MAF: variants seen among roughly 807,000 people sequenced by gnomAD.
MAF encodes the protein transcription factor Maf.
In MAF, 10 loss-of-function variants were observed where a neutral mutation model predicts 22.0. The ratio of observed to expected loss-of-function variants is 0.45; its 90% CI spans 0.28 to 0.77. MAF has a LOEUF of 0.77. Ranked by LOEUF, MAF falls within the 30% of genes least tolerant of loss-of-function variation. MAF has a pLI of 0.12. For synonymous variants in MAF, 337 were observed against 255.8 expected, an observed-to-expected ratio of 1.32 and a Z score of -3.03; for missense variants, 544 against 548.4, an observed-to-expected ratio of 0.99 and a Z score of 0.08.
chr16:79,348,622 A>G, the MAF span, among the ~76,000 whole-genome samples: 2 of 152,224 alleles, frequency 1.3e-5, no homozygotes, highest in African/African-American at 2.4e-5. Flanking sequence ...CCGTATCATC[A>G]TATCAGGCCA....
At chr16:79,413,213 T>G in the MAF span, among the ~76,000 whole-genome samples, 3,136 of 13,664 alleles carry the variant, frequency 0.23, 7 homozygotes, top group Non-Finnish European at 0.28. Flanking sequence ...CTGTGCAGTT[T>G]TTTTTTTTTT....
At chr16:79,480,901 A>G in the MAF span, among the ~76,000 whole-genome samples, 2 of 152,188 alleles carry the variant, frequency 1.3e-5, no homozygotes, top group African/African-American at 2.4e-5. Context: ...CAAGCCAGAG[A>G]TGTGGATGAG....
chr16:79,403,565 ACT>A, the MAF span, among the ~76,000 whole-genome samples: 1 of 151,468 alleles, frequency 6.6e-6, no homozygotes, highest in African/African-American at 2.4e-5. Flanking sequence ...CCTTAATGCC[ACT>A]CTTTAGGTTT....
At chr16:79,359,449 T>C in the MAF span, among the ~76,000 whole-genome samples, 2 of 152,220 alleles carry the variant, frequency 1.3e-5, no homozygotes, top group African/African-American at 4.8e-5. Flanking sequence ...GATAGTCTAA[T>C]GCACTGTCCT....
chr16:79,521,773 G>T, the MAF span, among the ~76,000 whole-genome samples: 3 of 152,146 alleles, frequency 2.0e-5, no homozygotes, highest in Non-Finnish European at 4.4e-5. Context: ...ATTTCAAACA[G>T]TTACTGAATA....
the MAF span, among the ~76,000 whole-genome samples, chr16:79,262,356 C>A: frequency 2.0e-4 from 31 of 152,286 alleles, no homozygotes; most frequent in Non-Finnish European, 3.7e-4. Flanking sequence ...GACCTCTGGG[C>A]TCTGTGCCTA....
chr16:79,378,595 A>G, the MAF span, among the ~76,000 whole-genome samples: 1 of 152,236 alleles, frequency 6.6e-6, no homozygotes, highest in East Asian at 1.9e-4. Flanking sequence ...GATAATGCTG[A>G]GTAGAATGAG....
At chr16:79,453,508 G>A in the MAF span, among the ~76,000 whole-genome samples, 24 of 152,176 alleles carry the variant, frequency 1.6e-4, no homozygotes, top group African/African-American at 5.8e-4. Context: ...TCTTCATTAA[G>A]TATTCATACA....
the MAF span, among the ~76,000 whole-genome samples, chr16:79,464,950 G>A: frequency 1.3e-5 from 2 of 152,192 alleles, no homozygotes; most frequent in Non-Finnish European, 2.9e-5. Context: ...TCAAAAGAAT[G>A]TGACAGTATC....
At chr16:79,508,735 C>T in the MAF span, among the ~76,000 whole-genome samples, 1 of 152,176 alleles carries the variant, frequency 6.6e-6, no homozygotes, top group Non-Finnish European at 1.5e-5. Flanking sequence ...ACCTCAAAAA[C>T]ATTATGGTAA....
At chr16:79,205,574 C>T in the MAF span, 115 of 152,290 alleles carry the variant, frequency 7.6e-4, 1 homozygote, top group African/African-American at 2.7e-3. Flanking sequence ...TATTTGCTTT[C>T]CTGATCATCT....
the MAF span, chr16:79,204,322 T>C: frequency 6.6e-6 from 1 of 152,118 alleles, no homozygotes; most frequent in African/African-American, 2.4e-5. Context: ...TAGAACGCTT[T>C]GGGCAGGCAC....
chr16:79,235,987 A>G, the MAF span, among the ~76,000 whole-genome samples: 1 of 152,018 alleles, frequency 6.6e-6, no homozygotes, highest in South Asian at 2.1e-4. Context: ...CCACCGTACC[A>G]GCAATCCTAT....
At chr16:79,229,393 G>C in the MAF span, 1 of 151,962 alleles carries the variant, frequency 6.6e-6, no homozygotes, top group East Asian at 1.9e-4. Flanking sequence ...GTCTTTTAAA[G>C]AGCTTTCCCT....
chr16:79,363,981 T>C, the MAF span, among the ~76,000 whole-genome samples: 2 of 152,304 alleles, frequency 1.3e-5, no homozygotes, highest in Admixed American at 6.5e-5. Context: ...CAGTTCCCTC[T>C]GACCAGTGAC....
the MAF span, among the ~76,000 whole-genome samples, chr16:79,550,506 C>A: frequency 6.6e-6 from 1 of 152,178 alleles, no homozygotes; most frequent in African/African-American, 2.4e-5. Flanking sequence ...AAACAGCTCA[C>A]CATGTGACCC....
the MAF span, among the ~76,000 whole-genome samples, chr16:79,276,267 G>A: frequency 1.3e-5 from 2 of 152,182 alleles, no homozygotes; most frequent in Non-Finnish European, 2.9e-5. Context: ...TTTTTATGTA[G>A]CAGGCCCCTG....
At chr16:79,479,595 G>A in the MAF span, among the ~76,000 whole-genome samples, 6 of 152,158 alleles carry the variant, frequency 3.9e-5, no homozygotes, top group African/African-American at 1.4e-4. Flanking sequence ...CTCTAGAGCC[G>A]AGCCAAGCCA....
chr16:79,233,991 CA>C, the MAF span, among the ~76,000 whole-genome samples: 233 of 125,528 alleles, frequency 1.9e-3, no homozygotes, highest in Middle Eastern at 4.8e-3. Flanking sequence ...GACTCCATCG[CA>C]AAAAAAAAAA....
Sources: gnomAD v4.1 joint callset for allele counts (sites outside exome capture counted in the v4.1 genomes callset) on GRCh38, gnomAD v4.1.1 for gene constraint, MANE v1.5 for transcripts, NCBI Gene and HGNC (gene_info 2026-07-23, HGNC 2026-07-21) for gene names.